Variants in FAM53C observed in about 807,000 individuals in gnomAD.
FAM53C encodes protein FAM53C.
Under a neutral mutation model 34.7 loss-of-function variants are expected in FAM53C, and 10 were observed. The ratio of observed to expected loss-of-function variants is 0.29; its 90% confidence interval spans 0.18 to 0.49. FAM53C has a LOEUF of 0.49. Ranked by LOEUF, FAM53C falls within the 20% of genes least tolerant of loss-of-function variation. The pLI is 0.99. For synonymous variants in FAM53C, 203 were observed against 203.6 expected (o/e 1.00, Z 0.03); for missense variants, 442 against 515.3 (o/e 0.86, Z 1.38).
chr5:138,338,410 GCCGGGCC>G, intron 1 of FAM53C, 103 bp downstream of exon 1: 1 of 348,534 alleles, frequency 2.9e-6, no homozygotes, highest in South Asian at 2.1e-5. Context: ...CGCCCGCGCG[GCCGGGCC>G]TCGCTGGCCG....
At chr5:138,340,141 T>C (rs1335917372) in intron 1 of FAM53C, among the ~76,000 whole-genome samples, 4 of 152,242 alleles carry the variant, frequency 2.6e-5, no homozygotes, top group Non-Finnish European at 4.4e-5. Context: ...ATGGTACATT[T>C]TGTACATTTT....
upstream of FAM53C, chr5:138,337,990 G>C (rs1391195260): frequency 7.8e-7 from 1 of 1,289,496 alleles, no homozygotes; most frequent in African/African-American, 1.5e-5. Flanking sequence ...CGGGTTTCAA[G>C]ATGTGCCTCC....
In FAM53C at chr5:138,345,191, C is replaced by G. The variant is rs1272699882; in HGVS notation, c.503C>G (p.Ser168Cys). Reference sequence around the variant, plus strand: ...CACCAGAGCCCCCCAAAGCGGGTCTCCAGCCTCAGGTTCCTCCAAGCTCCC... The same window carrying G: ...CACCAGAGCCCCCCAAAGCGGGTCTGCAGCCTCAGGTTCCTCCAAGCTCCC... ...VPHQSPPKRVSSLRFLQAPSA... is the reference protein window; with the variant it reads ...VPHQSPPKRVCSLRFLQAPSA... The change falls in exon 4 of 5, where the codon TCC (serine) becomes TGC (cysteine). Residue 168 changes from serine to cysteine, a missense_variant. Transcript: ENST00000239906. The surrounding 1 kb of genome is among the most constrained non-coding windows in gnomAD (Gnocchi z 6.3). 2 of 1,614,148 alleles carry G rather than the reference C, an allele frequency of 1.2e-6. No individual in the cohort carries two copies. Among genetic ancestry groups the G allele is most frequent in the Middle Eastern group, 1.6e-4 (1 of 6,084 alleles).
At chr5:138,342,108 A>G in intron 3 of FAM53C, 1 of 483,494 alleles carries the variant, frequency 2.1e-6, no homozygotes, top group East Asian at 3.1e-5. Context: ...TAATACATTC[A>G]CATGGTTCAA....
At position 138,349,150 on chromosome 5, in the gene FAM53C, C is replaced by T. The variant is rs1009435052; in HGVS notation, c.*2191C>T. ...CTTCCCAATCTAAGAACCTGTGGCC[C>T]TGGAACACTTTTCAAGAATTGGTTC... is the stretch of plus-strand genomic sequence containing the variant. On this transcript the variant is annotated 3_prime_UTR_variant, in exon 5 of 5. Coordinates refer to ENST00000239906, the MANE Select transcript of FAM53C (RefSeq NM_016605.3). 3 of 152,568 alleles carry T rather than the reference C, an allele frequency of 2.0e-5. No individual in the cohort carries two copies. The highest frequency in any genetic ancestry group is 6.5e-5 in the Admixed American group (1 of 15,292). The allele number at this position is 152,568 out of a possible 1,614,324, so 9.5% of individuals were successfully genotyped here.
chr5:138,344,315 C>T (rs532382460), intron 3 of FAM53C, among the ~76,000 whole-genome samples: 2 of 152,246 alleles, frequency 1.3e-5, no homozygotes, highest in African/African-American at 2.4e-5. Flanking sequence ...TTACCTCTTA[C>T]TTCTTGGCAG....
chr5:138,338,209 G>A (rs776966094), upstream of FAM53C: 417 of 1,276,398 alleles, frequency 3.3e-4, no homozygotes, highest in Non-Finnish European at 1.1e-4. Context: ...TCTCCTCAGG[G>A]ACTCGTTGGT....
In FAM53C at chr5:138,341,178, T is replaced by C. The variant is rs751525297; in HGVS notation, c.-152-6T>C. 1.2e-5 allele frequency: 9 copies of C among 759,256 alleles called. No individual in the cohort carries two copies. Among genetic ancestry groups the C allele is most frequent in the Non-Finnish European group, 2.0e-5 (8 of 410,034 alleles). The allele number at this position is 759,256 out of a possible 1,614,324, so 47.0% of individuals were successfully genotyped here. On this transcript the variant is annotated splice_polypyrimidine_tract_variant and splice_region_variant and intron_variant, in intron 1 of 4. Transcript: ENST00000239906. Reference sequence around the variant, plus strand: ...ATCACTTGGGGCTGGTCCCTCTAATTGGCAGACTCAGCAGGCATGACTGGA... The same window carrying C: ...ATCACTTGGGGCTGGTCCCTCTAATCGGCAGACTCAGCAGGCATGACTGGA...
rs1761127715 is a variant in FAM53C, at chr5:138,344,990, C to T, written c.302C>T (p.Pro101Leu). The part of the protein sequence containing the change: ...PFSQVLRPEP[P>L]DPEKLPVPPA... ...TCCCAAGTCCTAAGACCTGAGCCCC[C>T]AGATCCAGAGAAGCTTCCTGTGCCC... Residue 101 changes from proline (P) to leucine (L), a missense_variant, in exon 4 of 5, where the codon CCA (proline) becomes CTA (leucine). Transcript: ENST00000239906. The T allele has an allele frequency of 1.2e-6, 2 of 1,613,810 alleles. No homozygotes were observed. The highest frequency in any genetic ancestry group is 1.7e-5 in the Admixed American group (1 of 59,986).
At position 138,345,140 on chromosome 5, in the gene FAM53C, G is replaced by T. The variant is rs1344987830; in HGVS notation, c.452G>T (p.Gly151Val). ...ACTCCCATAAAGCACCGGGGCAGTG[G>T]TGGAGGGGGTGGGCCGCAGGTGCCT... The part of the protein sequence containing the change: ...LWTPIKHRGS[G>V]GGGGPQVPHQ... Residue 151 changes from glycine (G) to valine (V), a missense_variant, in exon 4 of 5, where the codon GGT (glycine) becomes GTT (valine). Coordinates refer to ENST00000239906, the MANE Select transcript of FAM53C (RefSeq NM_016605.3). The surrounding 1 kb of genome is among the most constrained non-coding windows in gnomAD (Gnocchi z 6.3). 1 of 1,614,182 alleles carries T rather than the reference G, an allele frequency of 6.2e-7. No homozygotes were observed. The highest frequency in any genetic ancestry group is 1.3e-5 in the African/African-American group (1 of 75,046).
Position 138,338,285 on chromosome 5 carries a change from C to A in FAM53C, c.-175C>A, listed in dbSNP as rs902421449. Reference sequence around the variant, plus strand: ...GCGCTCAGAGCTGCTCCGGCCGCGGCCCTGGGAGCTGGAGGAACCGCGGTA... The same window carrying A: ...GCGCTCAGAGCTGCTCCGGCCGCGGACCTGGGAGCTGGAGGAACCGCGGTA... On this transcript the variant is annotated 5_prime_UTR_variant, in exon 1 of 5. Transcript: ENST00000239906. 4.8e-6 allele frequency: 4 copies of A among 839,652 alleles called. No homozygotes were observed. Among genetic ancestry groups the A allele is most frequent in the African/African-American group, 1.8e-5 (1 of 56,912 alleles). 52.0% of individuals were successfully genotyped at this position (839,652 alleles called of 1,614,324 possible).
intron 1 of FAM53C, among the ~76,000 whole-genome samples, chr5:138,339,269 C>CCCT (rs1760946441): frequency 6.6e-6 from 1 of 152,130 alleles, no homozygotes; most frequent in African/African-American, 2.4e-5. Flanking sequence ...AAAGAGGAGG[C>CCCT]CCCTCGCGGA....
intron 1 of FAM53C, among the ~76,000 whole-genome samples, chr5:138,339,638 G>C (rs1760968754): frequency 6.6e-6 from 1 of 152,138 alleles, no homozygotes; most frequent in Non-Finnish European, 1.5e-5. Flanking sequence ...TGATCTTTGA[G>C]GGCAGCAGAG....
At chr5:138,340,548 G>A (rs983606928) in intron 1 of FAM53C, among the ~76,000 whole-genome samples, 1 of 152,180 alleles carries the variant, frequency 6.6e-6, no homozygotes, top group Non-Finnish European at 1.5e-5. Flanking sequence ...TAAAAACTTA[G>A]TTGAACAGTC....
chr5:138,341,539 T>C lies in FAM53C; in HGVS notation c.78+126T>C, dbSNP rs1374600408. The C allele has an allele frequency of 5.2e-6, 5 of 960,674 alleles. No homozygotes were observed. The Admixed American group carries it at 6.0e-5, about 11-fold the overall frequency. 59.5% of individuals were successfully genotyped at this position (960,674 alleles called of 1,614,324 possible). Reference sequence around the variant, plus strand: ...TGGTACTTAACCTGGAAGAGCCCACTAATGGCTCAAAACCCAGCCCAAAAG... The same window carrying C: ...TGGTACTTAACCTGGAAGAGCCCACCAATGGCTCAAAACCCAGCCCAAAAG... On this transcript the variant is annotated intron_variant, in intron 2 of 4. Transcript: ENST00000239906.
chr5:138,342,840 A>G (rs1423907434), intron 3 of FAM53C: 3 of 151,136 alleles, frequency 2.0e-5, no homozygotes, highest in Non-Finnish European at 2.9e-5. Flanking sequence ...CCTGGCCAAC[A>G]CAGTGAAACC....
At chr5:138,337,856 AG>A (rs1342833710), upstream of FAM53C, 3 of 742,472 alleles carry the variant, frequency 4.0e-6, no homozygotes, top group Non-Finnish European at 4.0e-6. Context: ...AGAGCAGGTG[AG>A]GGGCACTGTG....
chr5:138,337,903 G>T (rs1760826251), upstream of FAM53C: 1 of 1,226,372 alleles, frequency 8.2e-7, no homozygotes, highest in Non-Finnish European at 1.1e-6. Context: ...CGAGTGGGAG[G>T]CTGCAGTTGG....
At chr5:138,340,550 TG>T (rs1340148944) in intron 1 of FAM53C, among the ~76,000 whole-genome samples, 4 of 152,242 alleles carry the variant, frequency 2.6e-5, no homozygotes, top group African/African-American at 9.6e-5. Flanking sequence ...AAAACTTAGT[TG>T]AACAGTCATG....
Sources: allele counts gnomAD v4.1 joint callset (sites outside exome capture counted in the v4.1 genomes callset), GRCh38; gene constraint gnomAD v4.1.1; non-coding constraint Gnocchi (gnomAD v3.1); transcripts MANE v1.5; gene names NCBI Gene and HGNC (gene_info 2026-07-23, HGNC 2026-07-21).